PCBP3: variants seen among roughly 807,000 people sequenced by gnomAD.
The protein encoded by PCBP3 is poly(rC)-binding protein 3.
A neutral mutation model predicts 52.7 loss-of-function variants in PCBP3; 25 were observed. The ratio of observed to expected loss-of-function variants is 0.47; its 90% CI spans 0.35 to 0.66. The LOEUF is 0.66. Among genes scored for constraint, PCBP3 ranks in the 30% least tolerant of loss-of-function variants. PCBP3 has a pLI of 0.01. For synonymous variants in PCBP3, 162 were observed against 183.0 expected (o/e 0.89, Z 0.93); for missense variants, 391 against 490.3 (o/e 0.80, Z 1.91).
chr21:45,670,854 A>G (rs2081124989), intron 2 of PCBP3, among the ~76,000 whole-genome samples: 1 of 152,220 alleles, frequency 6.6e-6, no homozygotes, highest in Non-Finnish European at 1.5e-5. Context: ...GTACCTCATC[A>G]GTGATCAGGT....
At chr21:45,765,947 C>G (rs1318342033) in intron 4 of PCBP3, among the ~76,000 whole-genome samples, 1 of 152,186 alleles carries the variant, frequency 6.6e-6, no homozygotes, top group African/African-American at 2.4e-5. Context: ...TCTCCTGGAG[C>G]CTGGAAGGAT....
In PCBP3 at chr21:45,704,607, G is replaced by A. The variant is rs1006444768; in HGVS notation, c.-199-30785G>A. On this transcript the variant is annotated intron_variant, in intron 2 of 17. Coordinates refer to ENST00000681687, the MANE Select transcript of PCBP3 (RefSeq NM_001384156.1). The surrounding 1 kb of genome is among the most constrained non-coding windows in gnomAD (Gnocchi z 4.1). ...CATGGAGACATAAAACATTGTCTAA[G>A]TGAAGGGCAATCGTATTTGAAGTAA... Among the ~76,000 whole-genome samples the A allele has an allele frequency of 2.0e-4, 30 of 152,144 alleles. No homozygotes were observed. Among genetic ancestry groups the A allele is most frequent in the African/African-American group, 7.0e-4 (29 of 41,430 alleles).
In PCBP3 at chr21:45,904,197, A is replaced by C. The variant is rs973973888; in HGVS notation, c.339+3084A>C. Among the ~76,000 whole-genome samples the C allele has an allele frequency of 1.3e-5, 2 of 152,198 alleles. No homozygotes were observed. The highest frequency in any genetic ancestry group is 4.8e-5 in the African/African-American group (2 of 41,454). On this transcript the variant is annotated intron_variant, in intron 9 of 17. Coordinates refer to ENST00000681687, the MANE Select transcript of PCBP3 (RefSeq NM_001384156.1). This position sits in a 1 kb window ranked among gnomAD's most constrained non-coding sequence, Gnocchi z 4.8. Reference sequence around the variant, plus strand: ...TGTCATCTCTGCCGCAGCAGGGCAGAGTCGAGTATCAGGAATTCCTAAAGG... The same window carrying C: ...TGTCATCTCTGCCGCAGCAGGGCAGCGTCGAGTATCAGGAATTCCTAAAGG...
chr21:45,938,348 C>T (rs1433836738), intron 16 of PCBP3, among the ~76,000 whole-genome samples: 2 of 152,224 alleles, frequency 1.3e-5, no homozygotes, highest in Non-Finnish European at 2.9e-5. Context: ...CCAGGAGCTG[C>T]TCTCCCTCCT....
chr21:45,708,957 G>A (rs2083640099), intron 2 of PCBP3, among the ~76,000 whole-genome samples: 1 of 152,278 alleles, frequency 6.6e-6, no homozygotes, highest in African/African-American at 2.4e-5. Flanking sequence ...GGATGAAGAA[G>A]CTGGCCTGAG....
rs1383905832 is a variant in PCBP3 at position 45,914,039 on chromosome 21, C to T, written c.675+14C>T. ...GCAGGTGGTCAGGTAAGAGCCGATC[C>T]GCTCGCGGCCTCCACTGCCAACCTC... On this transcript the variant is annotated intron_variant, in intron 12 of 17. Coordinates refer to ENST00000681687, the MANE Select transcript of PCBP3 (RefSeq NM_001384156.1). The T allele has an allele frequency of 7.4e-6, 12 of 1,613,428 alleles. No homozygotes were observed. Among genetic ancestry groups the T allele is most frequent in the East Asian group, 4.5e-5 (2 of 44,884 alleles).
chr21:45,926,136 A>G (rs985047806), intron 13 of PCBP3, among the ~76,000 whole-genome samples: 8 of 152,244 alleles, frequency 5.3e-5, no homozygotes, highest in Admixed American at 5.2e-4. Context: ...TTCAGCCAAC[A>G]TCAGACCACA....
intron 4 of PCBP3, among the ~76,000 whole-genome samples, chr21:45,808,157 C>A (rs1250928327): frequency 6.6e-6 from 1 of 152,104 alleles, no homozygotes; most frequent in Non-Finnish European, 1.5e-5. Flanking sequence ...ATGACTAAAA[C>A]CAAAAGCAAT....
intron 2 of PCBP3, among the ~76,000 whole-genome samples, chr21:45,721,412 CAAAA>C (rs34586187): frequency 2.1e-5 from 2 of 95,128 alleles, no homozygotes; most frequent in African/African-American, 3.9e-5. Context: ...GACTCCATCT[CAAAA>C]AAAAAAAAAA....
chr21:45,786,393 C>T (rs1189078882), intron 4 of PCBP3, among the ~76,000 whole-genome samples: 1 of 151,868 alleles, frequency 6.6e-6, no homozygotes, highest in Non-Finnish European at 1.5e-5. Flanking sequence ...TGGGTTCAAG[C>T]GATTCTCCTC....
In PCBP3 at chr21:45,817,433, A is replaced by G. The variant is rs1260475388; in HGVS notation, c.-125-32528A>G. Among the ~76,000 whole-genome samples the G allele has an allele frequency of 6.6e-6, 1 of 152,150 alleles. No homozygotes were observed. The highest frequency in any genetic ancestry group is 2.4e-5 in the African/African-American group (1 of 41,430). On this transcript the variant is annotated intron_variant, in intron 4 of 17. Transcript: ENST00000681687. This position sits in a 1 kb window ranked among gnomAD's most constrained non-coding sequence, Gnocchi z 4.3. ...GGAGTCCTTGCGTGCACAGCATAGTATTTGGCCAACATCTTCCTGCAGTTT... is the reference window on the plus strand; with the variant it reads ...GGAGTCCTTGCGTGCACAGCATAGTGTTTGGCCAACATCTTCCTGCAGTTT...
chr21:45,804,880 G>C (rs534000842), intron 4 of PCBP3, among the ~76,000 whole-genome samples: 1 of 152,108 alleles, frequency 6.6e-6, no homozygotes. Context: ...AGGCCAGGCC[G>C]TGTTCCTGGG....
At chr21:45,811,514 C>T (rs71324446) in intron 4 of PCBP3, among the ~76,000 whole-genome samples, 26,298 of 152,268 alleles carry the variant, frequency 0.17, 2,878 homozygotes, top group Non-Finnish European at 0.24. Flanking sequence ...GGCCTGTGAC[C>T]TTCATCACAT....
chr21:45,814,816 GGTGAGTGGTGAGTGAGTGGTGAATGATGA>G (rs2092815675), intron 4 of PCBP3, among the ~76,000 whole-genome samples: 1 of 129,896 alleles, frequency 7.7e-6, no homozygotes, highest in Admixed American at 7.3e-5. Flanking sequence ...GTGAGTGAGT[GGTGAGTGGTGAGTGAGTGGTGAATGATGA>G]GTGAGTGGTG....
rs1197175107 is a variant in PCBP3 at position 45,748,737 on chromosome 21, C to T, written c.-161-6680C>T. ...GAGCACAGCGGTGAGCTGTTGTCATCGTTCCCTTGTGTTAAGCTGGCAGAG... is the reference window on the plus strand; with the variant it reads ...GAGCACAGCGGTGAGCTGTTGTCATTGTTCCCTTGTGTTAAGCTGGCAGAG... On this transcript the variant is annotated intron_variant, in intron 3 of 17. Transcript: ENST00000681687. Among the ~76,000 whole-genome samples the T allele has an allele frequency of 6.6e-5, 10 of 152,362 alleles. No homozygotes were observed. The South Asian group carries it at 1.2e-3, about 19-fold the overall frequency.
intron 6 of PCBP3, among the ~76,000 whole-genome samples, chr21:45,897,827 ACTTC>A (rs1017143906): frequency 6.6e-6 from 1 of 152,048 alleles, no homozygotes; most frequent in Non-Finnish European, 1.5e-5. Context: ...CCTGCAGAAC[ACTTC>A]CTTCCATGTT....
At chr21:45,649,146 C>T (rs1043120171) in intron 1 of PCBP3, among the ~76,000 whole-genome samples, 11 of 152,230 alleles carry the variant, frequency 7.2e-5, no homozygotes, top group African/African-American at 2.2e-4. Context: ...ACAATGATGG[C>T]GGAAGTTGAA....
At chr21:45,849,608 A>G (rs1451714334) in intron 4 of PCBP3, among the ~76,000 whole-genome samples, 1 of 152,226 alleles carries the variant, frequency 6.6e-6, no homozygotes, top group Non-Finnish European at 1.5e-5. Context: ...AAAACCAGCA[A>G]TGTATTTAAA....
At chr21:45,746,163 C>T (rs535832677) in intron 3 of PCBP3, among the ~76,000 whole-genome samples, 15 of 142,444 alleles carry the variant, frequency 1.1e-4, no homozygotes, top group South Asian at 4.5e-4. Flanking sequence ...AGTCCATTGA[C>T]GTAGCGCCAC....
Sources: gnomAD v4.1 joint callset for allele counts (sites outside exome capture counted in the v4.1 genomes callset) on GRCh38, gnomAD v4.1.1 for gene constraint, Gnocchi (gnomAD v3.1) non-coding constraint, MANE v1.5 for transcripts, NCBI Gene and HGNC (gene_info 2026-07-23, HGNC 2026-07-21) for gene names.